Variants in SCAF8 observed in about 807,000 individuals in gnomAD.
SCAF8 encodes the protein SR-related and CTD-associated factor 8.
In SCAF8, 23 loss-of-function variants were observed where a neutral mutation model predicts 140.5. The ratio of observed to expected loss-of-function variants is 0.16; its 90% CI spans 0.12 to 0.23. The LOEUF is 0.23. SCAF8 is among the 10% of genes least tolerant of loss of function. The pLI, the probability that SCAF8 is intolerant of heterozygous loss-of-function variation, is 1.00. For missense variants in SCAF8, 1,397 were observed against 1,555.7 expected, an observed-to-expected ratio of 0.90 and a Z score of 1.72; for synonymous variants, 575 against 528.9, an observed-to-expected ratio of 1.09 and a Z score of -1.20.
chr6:154,783,374 CTT>C (rs1321175079), intron 3 of SCAF8, among the ~76,000 whole-genome samples: 5 of 152,148 alleles, frequency 3.3e-5, no homozygotes, highest in Admixed American at 6.5e-5. Flanking sequence ...TGTGGCTACT[CTT>C]AGATACGGTG....
At position 154,833,135 on chromosome 6, in the gene SCAF8, A is replaced by C; in HGVS notation, c.3556A>C (p.Thr1186Pro). The C allele has an allele frequency of 6.2e-7, 1 of 1,614,098 alleles. No individual in the cohort carries two copies. The highest frequency in any genetic ancestry group is 8.5e-7 in the Non-Finnish European group (1 of 1,180,006). The change falls in exon 20 of 20, where the codon ACT becomes CCT. Residue 1186 changes from threonine to proline, a missense_variant. Physicochemically the swap from Thr to Pro is conservative, Grantham distance 38. This residue lies in a region of SCAF8 where 930 missense variants were observed against 874.6 expected (regional missense o/e 1.06). Coordinates refer to ENST00000367178, the MANE Select transcript of SCAF8 (RefSeq NM_014892.5). ...TCTTGGACGAGACAGAATTCAAAACACTTGGGTTCCCCCTCCTCATGCTCG... is the reference window on the plus strand; with the variant it reads ...TCTTGGACGAGACAGAATTCAAAACCCTTGGGTTCCCCCTCCTCATGCTCG... The part of the protein sequence containing the change: ...NRLGRDRIQN[T>P]WVPPPHARVF...
chr6:154,799,651 A>G (rs1777712009), intron 6 of SCAF8, among the ~76,000 whole-genome samples: 1 of 151,234 alleles, frequency 6.6e-6, no homozygotes, highest in Non-Finnish European at 1.5e-5. Flanking sequence ...ACTACCTATA[A>G]TCCTGCCCCA....
chr6:154,821,281 G>A (rs749879340), intron 15 of SCAF8, among the ~76,000 whole-genome samples: 21 of 145,196 alleles, frequency 1.4e-4, no homozygotes, highest in Admixed American at 3.5e-4. Flanking sequence ...TCTGTTGGTA[G>A]CCTGTTCTGT....
intron 6 of SCAF8, among the ~76,000 whole-genome samples, chr6:154,795,728 C>T (rs899216179): frequency 3.9e-5 from 6 of 152,152 alleles, no homozygotes; most frequent in South Asian, 2.1e-4. Context: ...TAGAAGAAGG[C>T]TTCTGTGGCT....
At chr6:154,816,352 G>A (rs900404013) in intron 13 of SCAF8, among the ~76,000 whole-genome samples, 1 of 152,168 alleles carries the variant, frequency 6.6e-6, no homozygotes, top group African/African-American at 2.4e-5. Context: ...CTAGTAAGTT[G>A]AGCATAACTC....
At chr6:154,798,154 AATCAAG>A (rs1422843742) in intron 6 of SCAF8, among the ~76,000 whole-genome samples, 1 of 151,524 alleles carries the variant, frequency 6.6e-6, no homozygotes, top group East Asian at 1.9e-4. Flanking sequence ...AAAGTTTAAT[AATCAAG>A]ATTAATTGCA....
intron 1 of SCAF8, among the ~76,000 whole-genome samples, chr6:154,773,144 G>A (rs1442395830): frequency 3.9e-5 from 6 of 152,142 alleles, no homozygotes; most frequent in Non-Finnish European, 8.8e-5. Context: ...GTGGTTCTGT[G>A]CAACCATCAT....
At chr6:154,744,987 A>G (rs926814221) in intron 1 of SCAF8, among the ~76,000 whole-genome samples, 2 of 152,244 alleles carry the variant, frequency 1.3e-5, no homozygotes, top group African/African-American at 2.4e-5. Context: ...TTATTTAACT[A>G]TAGTACAATG....
At chr6:154,752,422 C>T (rs963759671) in intron 1 of SCAF8, among the ~76,000 whole-genome samples, 49 of 151,996 alleles carry the variant, frequency 3.2e-4, no homozygotes, top group African/African-American at 1.1e-3. Context: ...TTAAAAAAAT[C>T]TAATGATTTT....
chr6:154,763,199 T>C (rs1776456750), intron 1 of SCAF8, among the ~76,000 whole-genome samples: 1 of 152,220 alleles, frequency 6.6e-6, no homozygotes, highest in Non-Finnish European at 1.5e-5. Context: ...TATACCTTTT[T>C]CTTTCTTGAG....
intron 12 of SCAF8, among the ~76,000 whole-genome samples, chr6:154,813,224 A>AACAAG (rs1350504971): frequency 6.6e-6 from 1 of 151,944 alleles, no homozygotes; most frequent in East Asian, 1.9e-4. Flanking sequence ...AACAAAACAA[A>AACAAG]AAACAGAAGA....
intron 3 of SCAF8, among the ~76,000 whole-genome samples, chr6:154,782,376 G>A (rs1386098308): frequency 1.3e-5 from 2 of 152,138 alleles, no homozygotes; most frequent in East Asian, 3.9e-4. Flanking sequence ...CCATCATTGT[G>A]CCACTGCACT....
At chr6:154,739,402 C>T (rs138862921) in intron 1 of SCAF8, among the ~76,000 whole-genome samples, 3 of 152,230 alleles carry the variant, frequency 2.0e-5, no homozygotes, top group East Asian at 3.9e-4. Flanking sequence ...TAATAAAATA[C>T]CAATCAGTGA....
At chr6:154,765,631 T>C (rs538972061) in intron 1 of SCAF8, among the ~76,000 whole-genome samples, 1 of 152,300 alleles carries the variant, frequency 6.6e-6, no homozygotes, top group Non-Finnish European at 1.5e-5. Context: ...ACTTGTTAAG[T>C]CACATATCTT....
rs1019257099 is a variant in SCAF8 at position 154,786,156 on chromosome 6, A to C, written c.160-1705A>C. Among the ~76,000 whole-genome samples, 5 of 152,296 alleles carry C rather than the reference A, an allele frequency of 3.3e-5. 1 individual carries two copies. In the Middle Eastern group the frequency reaches 0.017, roughly 518 times the overall value. ...CTCCAAGAGCATTCGGGGTTGGATC[A>C]GAGTTTTTAAAGATAATTTGGTGGG... is the stretch of plus-strand genomic sequence containing the variant. On this transcript the variant is annotated intron_variant, in intron 3 of 19. Coordinates refer to ENST00000367178, the MANE Select transcript of SCAF8 (RefSeq NM_014892.5).
intron 1 of SCAF8, among the ~76,000 whole-genome samples, chr6:154,762,361 T>C (rs913964390): frequency 3.9e-5 from 6 of 152,202 alleles, no homozygotes; most frequent in Admixed American, 1.3e-4. Context: ...CAGGTCCTTA[T>C]GGTTGTAGGA....
chr6:154,788,054 T>TA (rs771504108), intron 4 of SCAF8, 32 bp downstream of exon 4: 1 of 1,552,256 alleles, frequency 6.4e-7, no homozygotes, highest in East Asian at 2.2e-5. Context: ...TTTGTTTTTT[T>TA]AAAAGTAGAT....
At chr6:154,768,837 T>C (rs1157851961) in intron 1 of SCAF8, among the ~76,000 whole-genome samples, 1 of 152,012 alleles carries the variant, frequency 6.6e-6, no homozygotes, top group Non-Finnish European at 1.5e-5. Flanking sequence ...CCAAGGTGGG[T>C]GGATTGCTTG....
chr6:154,785,216 GA>G (rs1372310666), intron 3 of SCAF8, among the ~76,000 whole-genome samples: 3 of 152,142 alleles, frequency 2.0e-5, no homozygotes, highest in African/African-American at 7.2e-5. Flanking sequence ...TCCATTATGT[GA>G]ATAGACGGCA....
Sources: allele counts gnomAD v4.1 joint callset (sites outside exome capture counted in the v4.1 genomes callset), GRCh38; gene constraint gnomAD v4.1.1; regional missense constraint gnomAD v4.1.1; transcripts MANE v1.5; gene names NCBI Gene and HGNC (gene_info 2026-07-23, HGNC 2026-07-21).